The following CDH16 variants were observed in gnomAD, a reference collection of about 807,000 sequenced individuals.
CDH16 encodes the protein cadherin 16.
Under a neutral mutation model 87.6 loss-of-function variants are expected in CDH16, and 79 were observed. The observed-to-expected ratio is 0.90, with a 90% CI of 0.75 to 1.09. CDH16 has a LOEUF of 1.09. Among genes scored for constraint, CDH16 ranks in the 50% least tolerant of loss-of-function variants. The probability of loss-of-function intolerance (pLI) is 0.00; values close to 1 mark genes in which losing one functional copy is unlikely to be tolerated. For synonymous variants in CDH16, 457 were observed against 439.5 expected (o/e 1.04, Z -0.50); for missense variants, 1,124 against 1,071.7 (o/e 1.05, Z -0.68).
Position 66,910,009 on chromosome 16 carries a change from T to C in CDH16, c.2252A>G (p.Gln751Arg). Residue 751 changes from glutamine (Q) to arginine (R), a missense_variant, in exon 16 of 18, where the codon CAG becomes CGG. Transcript: ENST00000299752. Reference protein sequence around the residue: ...IIPVVVSHNAQMWQLLVRVIV... With the variant: ...IIPVVVSHNARMWQLLVRVIV... ...ACCTCGAACCAGGAGCTGCCACATC[T>C]GGGCATTGTGGCTGACCACCACGGG... The C allele has an allele frequency of 6.2e-7, 1 of 1,610,208 alleles. No homozygotes were observed. Among genetic ancestry groups the C allele is most frequent in the South Asian group, 1.1e-5 (1 of 90,600 alleles).
At chr16:66,915,992 C>T in intron 5 of CDH16, 73 bp downstream of exon 5, 1 of 1,559,768 alleles carries the variant, frequency 6.4e-7, no homozygotes, top group Non-Finnish European at 8.8e-7. Flanking sequence ...ACTGTCTGGC[C>T]ATCTCTTCGC....
At chr16:66,913,022 G>T in intron 9 of CDH16, 109 bp downstream of exon 9, 1 of 1,254,308 alleles carries the variant, frequency 8.0e-7, no homozygotes. Flanking sequence ...GTGTGTGTGT[G>T]TTATGGAGGG....
At position 66,909,443 on chromosome 16, in the gene CDH16, G is replaced by T. The variant is rs1962310696; in HGVS notation, c.2276-60C>A. On this transcript the variant is annotated intron_variant, in intron 16 of 17. Transcript: ENST00000299752. This position sits in a 1 kb window ranked among gnomAD's most constrained non-coding sequence, Gnocchi z 4.1. Reference sequence around the variant, plus strand: ...GGGGAGGGCTCCCCAGCTGCTCAGAGCCCCCAGCCCAGCCACCTGGCTGAT... The same window carrying T: ...GGGGAGGGCTCCCCAGCTGCTCAGATCCCCCAGCCCAGCCACCTGGCTGAT... 8.4e-7 allele frequency: 1 copy of T among 1,192,738 alleles called. No individual in the cohort carries two copies. The highest frequency in any genetic ancestry group is 1.2e-6 in the Non-Finnish European group (1 of 821,496). The allele number at this position is 1,192,738 out of a possible 1,614,324, so 73.9% of individuals were successfully genotyped here.
At chr16:66,912,922 C>T in intron 9 of CDH16, 31 bp from the exon 10 acceptor site, 1 of 1,584,868 alleles carries the variant, frequency 6.3e-7, no homozygotes, top group Non-Finnish European at 8.6e-7. Flanking sequence ...TGGATAGGAC[C>T]ACAGCCCAGC....
intron 1 of CDH16, 36 bp from the exon 2 acceptor site, chr16:66,918,114 G>T (rs749220310): frequency 1.5e-5 from 22 of 1,452,944 alleles, no homozygotes; most frequent in Middle Eastern, 4.0e-4. Flanking sequence ...AGCCCAGGTG[G>T]GTAGGGAGGG....
chr16:66,913,082 G>A (rs1212272339), intron 9 of CDH16, 49 bp downstream of exon 9: 6 of 1,566,376 alleles, frequency 3.8e-6, no homozygotes, highest in Non-Finnish European at 3.5e-6. Context: ...AGAAGAGCAA[G>A]ACCAGGTGGT....
rs906407769 is a variant in CDH16, at chr16:66,916,672, A to T, written c.130-243T>A. On this transcript the variant is annotated intron_variant, in intron 3 of 17. Coordinates refer to ENST00000299752, the MANE Select transcript of CDH16 (RefSeq NM_004062.4). This position sits in a 1 kb window ranked among gnomAD's most constrained non-coding sequence, Gnocchi z 4.1. The stretch of plus-strand genomic sequence containing the variant: ...TGAAGCTTGAAACCTCACCACCGAG[A>T]TTTCGTTCTTTAATCTAAAGCTCTG... Among the ~76,000 whole-genome samples, 5 of 152,178 alleles carry T rather than the reference A, an allele frequency of 3.3e-5. No homozygotes were observed. The highest frequency in any genetic ancestry group is 7.3e-5 in the Non-Finnish European group (5 of 68,034).
chr16:66,913,422 C>G (rs1476465890), intron 8 of CDH16, 69 bp downstream of exon 8: 3 of 1,605,440 alleles, frequency 1.9e-6, no homozygotes, highest in Non-Finnish European at 2.6e-6. Context: ...AGTTGTGACA[C>G]CCCCAAAAGC....
rs148844379 is a variant in CDH16 at position 66,914,754 on chromosome 16, G to A, written c.584-342C>T. Among the ~76,000 whole-genome samples the A allele has an allele frequency of 8.5e-5, 13 of 152,268 alleles. No individual in the cohort carries two copies. The East Asian group carries it at 1.2e-3, about 14-fold the overall frequency. On this transcript the variant is annotated intron_variant, in intron 6 of 17. Transcript: ENST00000299752. ...GGATGGGAGTTTGAGTGTGTGAATA[G>A]GAGAGTGTTTGGATGAGTGATGGGA... is the stretch of plus-strand genomic sequence containing the variant.
intron 14 of CDH16, chr16:66,910,946 G>T: frequency 4.0e-6 from 2 of 500,062 alleles, no homozygotes; most frequent in Non-Finnish European, 7.0e-6. Context: ...AGGGCTGGGA[G>T]ATTTTGTGTG....
At position 66,909,151 on chromosome 16, in the gene CDH16, G is replaced by A; in HGVS notation, c.2392+116C>T. The A allele has an allele frequency of 1.4e-6, 1 of 726,338 alleles. No homozygotes were observed. The highest frequency in any genetic ancestry group is 2.5e-6 in the Non-Finnish European group (1 of 397,688). 45.0% of individuals were successfully genotyped at this position (726,338 alleles called of 1,614,324 possible). On this transcript the variant is annotated intron_variant, in intron 17 of 17. Transcript: ENST00000299752. This position sits in a 1 kb window ranked among gnomAD's most constrained non-coding sequence, Gnocchi z 4.1. ...CAGGCGCATAATGACTAGGAGAGTTGGGGGCTTCCTTTTTCAGAGCTAGGG... is the reference window on the plus strand; with the variant it reads ...CAGGCGCATAATGACTAGGAGAGTTAGGGGCTTCCTTTTTCAGAGCTAGGG...
chr16:66,914,956 C>T (rs1211054620), intron 6 of CDH16, among the ~76,000 whole-genome samples: 1 of 152,184 alleles, frequency 6.6e-6, no homozygotes, highest in East Asian at 1.9e-4. Flanking sequence ...TAGGCTACAA[C>T]CCCTTAGACT....
In CDH16 at chr16:66,912,397, G is replaced by A; in HGVS notation, c.1393C>T (p.Pro465Ser). 1 of 1,614,054 alleles carries A rather than the reference G, an allele frequency of 6.2e-7. No individual in the cohort carries two copies. Among genetic ancestry groups the A allele is most frequent in the Non-Finnish European group, 8.5e-7 (1 of 1,179,954 alleles). Reference sequence around the variant, plus strand: ...GTTAGCATGGCCACCAGAGTCCCGGGCTCCACATCCTCAGGGAGGCTTATA... The same window carrying A: ...GTTAGCATGGCCACCAGAGTCCCGGACTCCACATCCTCAGGGAGGCTTATA... Reference protein sequence around the residue: ...GPISLPEDVEPGTLVAMLTAI... With the variant: ...GPISLPEDVESGTLVAMLTAI... The change falls in exon 12 of 18, where the codon CCC (proline) becomes TCC (serine). Residue 465 changes from proline (P) to serine (S), a missense_variant. Transcript: ENST00000299752.
Position 66,916,443 on chromosome 16 carries a change from A to G in CDH16, c.130-14T>C, listed in dbSNP as rs1404027224. ...GGGCAGCGGCAACTGATGGAAATGA[A>G]CAGAAGTGAAGGGAGCGGTGGCCAG... On this transcript the variant is annotated splice_polypyrimidine_tract_variant and intron_variant, in intron 3 of 17. Coordinates refer to ENST00000299752, the MANE Select transcript of CDH16 (RefSeq NM_004062.4). The surrounding 1 kb of genome is among the most constrained non-coding windows in gnomAD (Gnocchi z 4.1). 2.5e-6 allele frequency: 4 copies of G among 1,585,908 alleles called. No homozygotes were observed. In the African/African-American group the frequency reaches 5.4e-5, roughly 21 times the overall value.
chr16:66,914,109 A>G, intron 7 of CDH16, 107 bp downstream of exon 7: 1 of 927,120 alleles, frequency 1.1e-6, no homozygotes, highest in Non-Finnish European at 1.7e-6. Flanking sequence ...TGGAGGGAGG[A>G]GCACGGGTCA....
Position 66,917,669 on chromosome 16 carries a change from A to C in CDH16, c.102T>G (p.Gly34=). ...ELSVEVPENY[G]GNFPLYLTKL... ...TGGTCAGGTATAAAGGGAAATTTCC[A>C]CCATAGTTTTCTGGAACTTCCACAG... Residue 34 remains glycine (G), a synonymous_variant, in exon 3 of 18, where the codon GGT becomes GGG. Coordinates refer to ENST00000299752, the MANE Select transcript of CDH16 (RefSeq NM_004062.4). 1 of 1,613,528 alleles carries C rather than the reference A, an allele frequency of 6.2e-7. No homozygotes were observed. The highest frequency in any genetic ancestry group is 1.1e-5 in the South Asian group (1 of 90,876).
rs746993162 is a variant in CDH16 at position 66,916,119 on chromosome 16, G to A, written c.370C>T (p.Pro124Ser). 6.2e-6 allele frequency: 10 copies of A among 1,614,202 alleles called. No individual in the cohort carries two copies. In the African/African-American group the frequency reaches 9.3e-5, roughly 15 times the overall value. Residue 124 changes from proline to serine, a missense_variant, in exon 5 of 18, where the codon CCC becomes TCC. Coordinates refer to ENST00000299752, the MANE Select transcript of CDH16 (RefSeq NM_004062.4). The surrounding 1 kb of genome is among the most constrained non-coding windows in gnomAD (Gnocchi z 4.1). ...CTGTAGATGGCTTGAGAGAAATGGG[G>A]CACCTGGTCATTCTCATCCTTCACG... is the stretch of plus-strand genomic sequence containing the variant. ...VHVKDENDQV[P>S]HFSQAIYRAR... is the part of the protein sequence containing the mutation.
At position 66,914,204 on chromosome 16, in the gene CDH16, C is replaced by A; in HGVS notation, c.780+12G>T. ...ATGGGGCTGCTTCAGCCACTGACAG[C>A]CACTTACTCACCTGGGCCATGTGGT... is the stretch of plus-strand genomic sequence containing the variant. On this transcript the variant is annotated intron_variant, in intron 7 of 17. Coordinates refer to ENST00000299752, the MANE Select transcript of CDH16 (RefSeq NM_004062.4). 1 of 1,606,146 alleles carries A rather than the reference C, an allele frequency of 6.2e-7. No individual in the cohort carries two copies. Among genetic ancestry groups the A allele is most frequent in the Non-Finnish European group, 8.5e-7 (1 of 1,173,622 alleles).
chr16:66,914,463 A>G, intron 6 of CDH16, 51 bp from the exon 7 acceptor site: 1 of 1,382,664 alleles, frequency 7.2e-7, no homozygotes, highest in South Asian at 1.2e-5. Context: ...AGCAGGGGCC[A>G]GGGCATCATT....
Sources: gnomAD v4.1 joint callset for allele counts (sites outside exome capture counted in the v4.1 genomes callset) on GRCh38, gnomAD v4.1.1 for gene constraint, Gnocchi (gnomAD v3.1) non-coding constraint, MANE v1.5 for transcripts, NCBI Gene and HGNC (gene_info 2026-07-23, HGNC 2026-07-21) for gene names.